Variants in MYO16 observed in about 807,000 individuals in gnomAD.
MYO16 encodes myosin XVI.
In MYO16, 94 loss-of-function variants were observed where a neutral mutation model predicts 205.3. The observed-to-expected ratio is 0.46, with a 90% CI of 0.39 to 0.54. MYO16 has a LOEUF of 0.54. Ranked by LOEUF, MYO16 falls within the 20% of genes least tolerant of loss-of-function variation. The probability of loss-of-function intolerance (pLI) is 0.00; values close to 1 mark genes in which losing one functional copy is unlikely to be tolerated. For synonymous variants in MYO16, 988 were observed against 954.0 expected, an observed-to-expected ratio of 1.04 and a Z score of -0.66; for missense variants, 2,315 against 2,387.5, an observed-to-expected ratio of 0.97 and a Z score of 0.63.
chr13:108,564,096 T>A, the MYO16 span, among the ~76,000 whole-genome samples: 1 of 152,156 alleles, frequency 6.6e-6, no homozygotes. Context: ...TGATCAATAA[T>A]GTTGAGCAAT....
At chr13:108,727,374 G>T in intron 3 of MYO16, 66 bp from the exon 4 acceptor site, 3 of 1,499,502 alleles carry the variant, frequency 2.0e-6, no homozygotes, top group South Asian at 1.3e-5. Flanking sequence ...TAAATCTGTG[G>T]ACATTTGGAA....
intron 12 of MYO16, among the ~76,000 whole-genome samples, chr13:108,881,326 C>G (rs112481624): frequency 0.16 from 23,615 of 152,096 alleles, 2,416 homozygotes; most frequent in Middle Eastern, 0.27. Context: ...ATAAAACCAC[C>G]AAGATGGGGA....
chr13:109,183,906 G>A (rs1879562727), intron 34 of MYO16, among the ~76,000 whole-genome samples: 1 of 152,146 alleles, frequency 6.6e-6, no homozygotes, highest in Non-Finnish European at 1.5e-5. Flanking sequence ...AAAGCAAATT[G>A]TTATGTGGTT....
At chr13:108,504,515 G>A in the MYO16 span, among the ~76,000 whole-genome samples, 1 of 151,746 alleles carries the variant, frequency 6.6e-6, no homozygotes, top group Non-Finnish European at 1.5e-5. Context: ...TCAGCCCCTG[G>A]TAACCACATT....
chr13:108,998,734 A>G lies in MYO16; in HGVS notation c.2442+6286A>G, dbSNP rs549774076. On this transcript the variant is annotated intron_variant, in intron 21 of 34. Transcript: ENST00000457511. ...CCAATGCCATGTGAAGCTTCCATCAATCGCGAATCTAGAGGGTGACACTGG... is the reference window on the plus strand; with the variant it reads ...CCAATGCCATGTGAAGCTTCCATCAGTCGCGAATCTAGAGGGTGACACTGG... 9.2e-5 allele frequency among the ~76,000 whole-genome samples: 14 copies of G among 152,212 alleles called. No homozygotes were observed. In the East Asian group the frequency reaches 1.5e-3, roughly 17 times the overall value.
At chr13:109,147,550 T>C (rs2139823497) in intron 32 of MYO16, among the ~76,000 whole-genome samples, 1 of 152,328 alleles carries the variant, frequency 6.6e-6, no homozygotes, top group East Asian at 1.9e-4. Flanking sequence ...CATAATGGGA[T>C]GCAGAGCTTA....
At chr13:108,685,454 A>C (rs1882640258) in intron 2 of MYO16, among the ~76,000 whole-genome samples, 1 of 152,120 alleles carries the variant, frequency 6.6e-6, no homozygotes, top group African/African-American at 2.4e-5. Context: ...AATTGAATGG[A>C]ATTGCTGGTG....
chr13:108,766,953 TA>T (rs1235486407), intron 4 of MYO16, among the ~76,000 whole-genome samples: 6 of 152,214 alleles, frequency 3.9e-5, no homozygotes, highest in Admixed American at 2.6e-4. Flanking sequence ...ATACACACTT[TA>T]AAAACTAAGT....
chr13:109,174,909 A>AT (rs34513500), intron 33 of MYO16, among the ~76,000 whole-genome samples: 42,100 of 145,872 alleles, frequency 0.29, 6,512 homozygotes, highest in Non-Finnish European at 0.37. Context: ...ATGCCACCAC[A>AT]TTTTTTTTTT....
At chr13:109,039,000 A>T (rs9559471) in intron 23 of MYO16, among the ~76,000 whole-genome samples, 2 of 152,058 alleles carry the variant, frequency 1.3e-5, no homozygotes, top group Non-Finnish European at 2.9e-5. Flanking sequence ...TATGAAGGCT[A>T]TGTAGGAAGC....
At chr13:108,708,860 G>A (rs1883615930) in intron 2 of MYO16, among the ~76,000 whole-genome samples, 1 of 152,170 alleles carries the variant, frequency 6.6e-6, no homozygotes, top group Non-Finnish European at 1.5e-5. Context: ...GTTATTGTTG[G>A]TGATGGTGGG....
chr13:108,823,592 G>A (rs961834714), intron 9 of MYO16, among the ~76,000 whole-genome samples: 2 of 152,038 alleles, frequency 1.3e-5, no homozygotes, highest in Non-Finnish European at 2.9e-5. Context: ...TTATCATTAT[G>A]GCTGACTTTC....
intron 31 of MYO16, among the ~76,000 whole-genome samples, chr13:109,132,640 G>A (rs1474397871): frequency 6.6e-6 from 1 of 152,204 alleles, no homozygotes; most frequent in Admixed American, 6.5e-5. Flanking sequence ...CCCTTGAAAT[G>A]TGTCAAGGCT....
chr13:109,074,378 A>C (rs774032459), intron 27 of MYO16, among the ~76,000 whole-genome samples: 8 of 152,322 alleles, frequency 5.3e-5, no homozygotes, highest in Admixed American at 2.6e-4. Context: ...TTTGTAAAGA[A>C]AGTAAGTTTA....
intron 16 of MYO16, among the ~76,000 whole-genome samples, chr13:108,942,008 C>T (rs1296161699): frequency 6.6e-6 from 1 of 152,278 alleles, no homozygotes; most frequent in East Asian, 1.9e-4. Flanking sequence ...TGCATACATA[C>T]AGTAAACTAT....
At chr13:108,937,278 C>T (rs1882531816) in intron 16 of MYO16, among the ~76,000 whole-genome samples, 1 of 151,848 alleles carries the variant, frequency 6.6e-6, no homozygotes, top group Non-Finnish European at 1.5e-5. Context: ...CTCTCTCTCT[C>T]TAGCTGGCTT....
chr13:109,075,968 A>T (rs1215238083), intron 27 of MYO16, among the ~76,000 whole-genome samples: 1 of 152,186 alleles, frequency 6.6e-6, no homozygotes, highest in African/African-American at 2.4e-5. Flanking sequence ...AAGGTTGTGA[A>T]CATGAACTCA....
At chr13:108,728,332 T>C (rs7328424) in intron 4 of MYO16, among the ~76,000 whole-genome samples, 4,623 of 152,292 alleles carry the variant, frequency 0.03, 227 homozygotes, top group African/African-American at 0.11. Flanking sequence ...CAACTTGCCG[T>C]AAGCCAAAAG....
At chr13:109,120,248 T>C in intron 28 of MYO16, 122 bp from the exon 29 acceptor site, 1 of 651,316 alleles carries the variant, frequency 1.5e-6, no homozygotes, top group Admixed American at 3.0e-5. Context: ...AGACATGTAC[T>C]CTAATTTTCT....
Sources: gnomAD v4.1 joint callset for allele counts (sites outside exome capture counted in the v4.1 genomes callset) on GRCh38, gnomAD v4.1.1 for gene constraint, MANE v1.5 for transcripts, NCBI Gene and HGNC (gene_info 2026-07-23, HGNC 2026-07-21) for gene names.